The following GALNT13 variants were observed in gnomAD, a reference collection of about 807,000 sequenced individuals.
GALNT13 encodes the protein polypeptide N-acetylgalactosaminyltransferase 13, also known as UDP-GalNAc:polypeptide N-acetylgalactosaminyltransferase 13.
In GALNT13, 28 loss-of-function variants were observed where a neutral mutation model predicts 64.2. The observed-to-expected ratio is 0.44, with a 90% CI of 0.32 to 0.60. The LOEUF is 0.60. GALNT13 is among the 20% of genes least tolerant of loss of function. The probability of loss-of-function intolerance (pLI) is 0.05; values close to 1 mark genes in which losing one functional copy is unlikely to be tolerated. For synonymous variants in GALNT13, 214 were observed against 224.6 expected, an observed-to-expected ratio of 0.95 and a Z score of 0.42; for missense variants, 577 against 669.8, an observed-to-expected ratio of 0.86 and a Z score of 1.53.
chr2:153,998,624 G>A (rs1333989528), intron 3 of GALNT13, among the ~76,000 whole-genome samples: 2 of 152,174 alleles, frequency 1.3e-5, no homozygotes, highest in African/African-American at 4.8e-5. Context: ...AGTTTCTTTT[G>A]CTGTGTAGAA....
chr2:153,580,679 CTT>C, the GALNT13 span, among the ~76,000 whole-genome samples: 3 of 152,122 alleles, frequency 2.0e-5, no homozygotes, highest in Admixed American at 6.5e-5. Flanking sequence ...GACATAAAAA[CTT>C]TGAGTAAAAA....
At chr2:154,161,428 A>G (rs1215326004) in intron 4 of GALNT13, among the ~76,000 whole-genome samples, 1 of 152,168 alleles carries the variant, frequency 6.6e-6, no homozygotes, top group Non-Finnish European at 1.5e-5. Flanking sequence ...GGAGTTCAGA[A>G]TTGGTATGCA....
the GALNT13 span, among the ~76,000 whole-genome samples, chr2:153,081,939 A>G: frequency 8.5e-5 from 13 of 152,166 alleles, no homozygotes; most frequent in Admixed American, 6.5e-4. Context: ...TTCTTGAGGA[A>G]CCTCCAAACT....
At chr2:153,780,903 G>T in the GALNT13 span, among the ~76,000 whole-genome samples, 1 of 152,136 alleles carries the variant, frequency 6.6e-6, no homozygotes, top group Admixed American at 6.6e-5. Flanking sequence ...CCTACTTACA[G>T]TTTAATGGGT....
At chr2:154,224,914 T>G (rs1191834716) in intron 4 of GALNT13, among the ~76,000 whole-genome samples, 1 of 151,952 alleles carries the variant, frequency 6.6e-6, no homozygotes, top group African/African-American at 2.4e-5. Flanking sequence ...AAGCAATAAG[T>G]TAAATGAAAA....
chr2:153,327,267 C>T, the GALNT13 span, among the ~76,000 whole-genome samples: 1 of 152,020 alleles, frequency 6.6e-6, no homozygotes, highest in Non-Finnish European at 1.5e-5. Flanking sequence ...GTGAATCTGA[C>T]AATTATGTGT....
chr2:153,627,096 G>A, the GALNT13 span, among the ~76,000 whole-genome samples: 238 of 152,136 alleles, frequency 1.6e-3, no homozygotes, highest in African/African-American at 5.6e-3. Flanking sequence ...TGTTGTGTGG[G>A]AATGTAATAC....
At chr2:154,185,248 T>A (rs1295275115) in intron 4 of GALNT13, among the ~76,000 whole-genome samples, 1 of 152,062 alleles carries the variant, frequency 6.6e-6, no homozygotes, top group Non-Finnish European at 1.5e-5. Flanking sequence ...TTCTGATAAA[T>A]TGCTTTTCTA....
the GALNT13 span, among the ~76,000 whole-genome samples, chr2:153,531,082 C>T: frequency 6.6e-6 from 1 of 152,146 alleles, no homozygotes; most frequent in Non-Finnish European, 1.5e-5. Context: ...AAGAAAACAA[C>T]TGGCAAAGTG....
chr2:153,190,548 T>C, the GALNT13 span, among the ~76,000 whole-genome samples: 13 of 152,120 alleles, frequency 8.5e-5, no homozygotes, highest in African/African-American at 3.1e-4. Context: ...TTTCTCAGTA[T>C]TGCTTTGGCT....
intron 4 of GALNT13, among the ~76,000 whole-genome samples, chr2:154,212,701 C>G (rs1167227102): frequency 6.6e-6 from 1 of 151,910 alleles, no homozygotes. Flanking sequence ...TCCCTGTTCC[C>G]CTCCTTCTTC....
At chr2:153,533,915 T>G in the GALNT13 span, among the ~76,000 whole-genome samples, 6 of 151,806 alleles carry the variant, frequency 4.0e-5, no homozygotes, top group Admixed American at 3.3e-4. Context: ...TTTATTTCTT[T>G]TTCTGGAGAA....
At chr2:153,404,592 T>C in the GALNT13 span, among the ~76,000 whole-genome samples, 1 of 152,178 alleles carries the variant, frequency 6.6e-6, no homozygotes, top group Non-Finnish European at 1.5e-5. Context: ...AATTAAGGTA[T>C]TAGTCTACAT....
chr2:154,340,619 A>C (rs1359688079), intron 9 of GALNT13, among the ~76,000 whole-genome samples: 1 of 152,146 alleles, frequency 6.6e-6, no homozygotes, highest in Non-Finnish European at 1.5e-5. Context: ...TAGCTGAAGA[A>C]AAATCATTAT....
At chr2:153,082,618 T>TACACACAC in the GALNT13 span, among the ~76,000 whole-genome samples, 1 of 30,208 alleles carries the variant, frequency 3.3e-5, no homozygotes, top group African/African-American at 1.4e-4. Flanking sequence ...TATATATATA[T>TACACACAC]ACACACACAC....
At chr2:153,301,309 C>CA in the GALNT13 span, among the ~76,000 whole-genome samples, 5 of 76,430 alleles carry the variant, frequency 6.5e-5, 1 homozygote, top group Admixed American at 1.2e-4. Flanking sequence ...GACTCCTTCT[C>CA]AAAAAAAAAG....
chr2:153,097,399 A>G, the GALNT13 span, among the ~76,000 whole-genome samples: 6 of 152,072 alleles, frequency 3.9e-5, no homozygotes, highest in Admixed American at 3.3e-4. Flanking sequence ...CATTAATGGG[A>G]TGATTGATGG....
the GALNT13 span, among the ~76,000 whole-genome samples, chr2:153,414,047 T>A: frequency 6.6e-6 from 1 of 152,192 alleles, no homozygotes. Context: ...ATAAGCTTTA[T>A]GAGAAATTTT....
intron 3 of GALNT13, among the ~76,000 whole-genome samples, chr2:153,969,609 T>C (rs1364920163): frequency 3.3e-5 from 5 of 152,140 alleles, no homozygotes; most frequent in African/African-American, 1.2e-4. Flanking sequence ...TAGGACATTT[T>C]CTTACAGTAT....
Sources: gnomAD v4.1 joint callset for allele counts (sites outside exome capture counted in the v4.1 genomes callset) on GRCh38, gnomAD v4.1.1 for gene constraint, MANE v1.5 for transcripts, NCBI Gene and HGNC (gene_info 2026-07-23, HGNC 2026-07-21) for gene names.